CUL4A: variants seen among roughly 807,000 people sequenced by gnomAD.
The protein encoded by CUL4A is cullin-4A.
Under a neutral mutation model 95.5 loss-of-function variants are expected in CUL4A, and 16 were observed. That is an observed-to-expected ratio of 0.17 (90% CI 0.11 to 0.25). CUL4A has a LOEUF of 0.25. Among genes scored for constraint, CUL4A ranks in the 10% least tolerant of loss-of-function variants. The probability of loss-of-function intolerance (pLI) is 1.00; values close to 1 mark genes in which losing one functional copy is unlikely to be tolerated. For missense variants in CUL4A, 610 were observed against 937.0 expected (o/e 0.65, Z 4.56); for synonymous variants, 380 against 353.1 (o/e 1.08, Z -0.85).
At position 113,243,084 on chromosome 13, in the gene CUL4A, G is replaced by A. The variant is rs759425072; in HGVS notation, c.1152G>A (p.Glu384=). Residue 384 remains glutamate, a synonymous_variant, in exon 11 of 20, where the codon GAG becomes GAA. Transcript: ENST00000375440. The part of the protein sequence containing the change: ...HVIEVCFQKN[E]RFVNLMKESF... ...TCGAGGTCTGCTTCCAGAAGAATGA[G>A]CGGTTCGTCAACCTGATGAAGGAGT... 1.2e-6 allele frequency: 2 copies of A among 1,614,194 alleles called. No homozygotes were observed. The highest frequency in any genetic ancestry group is 2.2e-5 in the South Asian group (2 of 91,086).
chr13:113,208,658 G>C (rs369057180), upstream of CUL4A: 13 of 1,602,050 alleles, frequency 8.1e-6, no homozygotes, highest in African/African-American at 1.7e-4. Flanking sequence ...AACGGAGAGC[G>C]CCACCCCCTA....
chr13:113,252,279 T>A (rs2042013863), intron 15 of CUL4A, among the ~76,000 whole-genome samples: 5 of 152,114 alleles, frequency 3.3e-5, no homozygotes. Flanking sequence ...AGGCACAGTC[T>A]AATTCCAGCG....
chr13:113,257,624 C>G (rs568875931), intron 18 of CUL4A, among the ~76,000 whole-genome samples: 5 of 152,284 alleles, frequency 3.3e-5, no homozygotes, highest in Admixed American at 2.6e-4. Flanking sequence ...AGGGCCCAAG[C>G]CATTCATGAG....
At chr13:113,261,377 A>T (rs985373856) in intron 19 of CUL4A, among the ~76,000 whole-genome samples, 1 of 152,192 alleles carries the variant, frequency 6.6e-6, no homozygotes, top group African/African-American at 2.4e-5. Context: ...TTGGAGGGAA[A>T]GTCCCCAGAT....
intron 8 of CUL4A, 59 bp downstream of exon 8, chr13:113,235,204 G>C: frequency 8.3e-7 from 1 of 1,200,716 alleles, no homozygotes; most frequent in Middle Eastern, 1.9e-4. Context: ...AGGTTCTCCT[G>C]GCTGGTTATT....
chr13:113,266,953 A>C lies in CUL4A; in HGVS notation c.*3371A>C, dbSNP rs751773330. On this transcript the variant is annotated 3_prime_UTR_variant, in exon 20 of 20. Transcript: ENST00000375440. The stretch of plus-strand genomic sequence containing the variant: ...ACATTGTGGACTAGTCAAGCTAGTT[A>C]CATCCATCACCTCAAATACTTAACA... 6.6e-6 allele frequency: 1 copy of C among 152,232 alleles called. No homozygotes were observed. The highest frequency in any genetic ancestry group is 1.5e-5 in the Non-Finnish European group (1 of 68,048). 9.4% of individuals were successfully genotyped at this position (152,232 alleles called of 1,614,324 possible).
At chr13:113,229,097 C>T (rs1008384320) in intron 4 of CUL4A, among the ~76,000 whole-genome samples, 4 of 152,046 alleles carry the variant, frequency 2.6e-5, no homozygotes, top group Middle Eastern at 3.4e-3. Context: ...CCAGCCTGGG[C>T]GACAGAGCGA....
Position 113,254,490 on chromosome 13 carries a change from G to GA in CUL4A, c.1753-202dup, listed in dbSNP as rs371354956. Among the ~76,000 whole-genome samples, 45 of 152,246 alleles carry GA rather than the reference G, an allele frequency of 3.0e-4. No individual in the cohort carries two copies. In the East Asian group the frequency reaches 7.1e-3, roughly 24 times the overall value. On this transcript the variant is annotated intron_variant, in intron 16 of 19. Transcript: ENST00000375440. ...GGCACCAGTAGTCCCAGCTACTCGG[G>GA]AGGCTGAGGCAGGAGAATGGCATGA... is the stretch of plus-strand genomic sequence containing the variant.
intron 3 of CUL4A, among the ~76,000 whole-genome samples, chr13:113,227,101 G>A (rs926492537): frequency 1.3e-5 from 2 of 152,204 alleles, no homozygotes; most frequent in African/African-American, 2.4e-5. Context: ...AGAGGCAGGC[G>A]GGGCCGTGGG....
chr13:113,262,248 C>G (rs904724774), intron 19 of CUL4A, among the ~76,000 whole-genome samples: 1 of 152,238 alleles, frequency 6.6e-6, no homozygotes, highest in Non-Finnish European at 1.5e-5. Flanking sequence ...CAGAGACAGG[C>G]TGTGGCTGTG....
At chr13:113,219,072 G>C (rs769597208) in intron 3 of CUL4A, 24 bp downstream of exon 3, 1 of 1,461,576 alleles carries the variant, frequency 6.8e-7, no homozygotes, top group Non-Finnish European at 9.4e-7. Flanking sequence ...GGTTCATAAA[G>C]TTTCTATTCA....
intron 4 of CUL4A, 92 bp downstream of exon 4, chr13:113,228,137 G>T (rs756369838): frequency 1.1e-5 from 11 of 987,228 alleles, no homozygotes; most frequent in African/African-American, 4.8e-5. Context: ...TTCTGTTGAG[G>T]ATTCTGTCTG....
chr13:113,247,617 G>C (rs878903975), intron 15 of CUL4A, among the ~76,000 whole-genome samples: 1 of 152,132 alleles, frequency 6.6e-6, no homozygotes, highest in Non-Finnish European at 1.5e-5. Context: ...GGAGAACTTT[G>C]GGGGAGAAGG....
At chr13:113,252,000 G>A (rs1193626396) in intron 15 of CUL4A, among the ~76,000 whole-genome samples, 3 of 152,102 alleles carry the variant, frequency 2.0e-5, no homozygotes, top group Non-Finnish European at 4.4e-5. Context: ...CAGACGTGTC[G>A]GAGATCCCGG....
chr13:113,253,585 AC>A (rs1833376719), intron 16 of CUL4A, among the ~76,000 whole-genome samples: 1 of 152,230 alleles, frequency 6.6e-6, no homozygotes, highest in African/African-American at 2.4e-5. Context: ...ATTAAAAAAA[AC>A]AGACTCTTGC....
At chr13:113,227,258 T>C (rs1469819277) in intron 3 of CUL4A, among the ~76,000 whole-genome samples, 1 of 152,166 alleles carries the variant, frequency 6.6e-6, no homozygotes, top group Non-Finnish European at 1.5e-5. Context: ...AGTCTGTTGC[T>C]CACAGCTCTG....
chr13:113,208,212 G>C, upstream of CUL4A: 4 of 1,530,706 alleles, frequency 2.6e-6, no homozygotes, highest in Non-Finnish European at 3.5e-6. Context: ...GCATCCTGCT[G>C]GGAAACAGCG....
chr13:113,222,356 G>A (rs2040929284), intron 3 of CUL4A, among the ~76,000 whole-genome samples: 1 of 151,826 alleles, frequency 6.6e-6, no homozygotes, highest in Non-Finnish European at 1.5e-5. Context: ...AAAACCACAG[G>A]GTGGAATGGC....
chr13:113,248,942 C>A (rs920026873), intron 15 of CUL4A, among the ~76,000 whole-genome samples: 6 of 152,160 alleles, frequency 3.9e-5, no homozygotes, highest in African/African-American at 1.4e-4. Context: ...TTGGTTGAAT[C>A]CATGGCTGTG....
Sources: gnomAD v4.1 joint callset for allele counts (sites outside exome capture counted in the v4.1 genomes callset) on GRCh38, gnomAD v4.1.1 for gene constraint, MANE v1.5 for transcripts, NCBI Gene and HGNC (gene_info 2026-07-23, HGNC 2026-07-21) for gene names.